RBFOX1: variants seen among roughly 807,000 people sequenced by gnomAD.
The protein encoded by RBFOX1 is RNA binding protein fox-1 homolog 1.
A neutral mutation model predicts 57.7 loss-of-function variants in RBFOX1; 8 were observed. That is an observed-to-expected ratio of 0.14 (90% confidence interval 0.08 to 0.25). RBFOX1 has a LOEUF of 0.25. Among genes scored for constraint, RBFOX1 ranks in the 10% least tolerant of loss-of-function variants. The pLI is 1.00. For synonymous variants in RBFOX1, 326 were observed against 222.4 expected (o/e 1.47, Z -4.15); for missense variants, 611 against 548.5 (o/e 1.11, Z -1.14).
chr16:7,300,001 G>C (rs181175343), intron 4 of RBFOX1, among the ~76,000 whole-genome samples: 2 of 152,344 alleles, frequency 1.3e-5, no homozygotes, highest in East Asian at 1.9e-4. Context: ...TATGCAATAA[G>C]ATTGGAAGGA....
intron 3 of RBFOX1, among the ~76,000 whole-genome samples, chr16:5,756,639 G>C (rs7201928): frequency 0.38 from 57,519 of 152,000 alleles, 11,158 homozygotes; most frequent in East Asian, 0.6. Context: ...CCTGCTGCCT[G>C]CCTTTCCAGC....
intron 4 of RBFOX1, among the ~76,000 whole-genome samples, chr16:5,925,215 T>C (rs886217073): frequency 1.3e-5 from 2 of 152,284 alleles, no homozygotes; most frequent in African/African-American, 2.4e-5. Flanking sequence ...TACAAATGCT[T>C]ATAGCTGTAC....
At chr16:6,553,595 A>T (rs535747201) in intron 2 of RBFOX1, among the ~76,000 whole-genome samples, 3 of 152,322 alleles carry the variant, frequency 2.0e-5, no homozygotes, top group African/African-American at 7.2e-5. Context: ...GCTACTCACA[A>T]GTTGCCATGG....
intron 1 of RBFOX1, among the ~76,000 whole-genome samples, chr16:6,067,853 A>G (rs953356118): frequency 1.3e-5 from 2 of 152,244 alleles, no homozygotes; most frequent in Non-Finnish European, 2.9e-5. Context: ...CTCACAGACT[A>G]AGCTTTCTAG....
intron 3 of RBFOX1, among the ~76,000 whole-genome samples, chr16:6,808,160 A>G (rs62016141): frequency 4.9e-4 from 68 of 140,124 alleles, no homozygotes; most frequent in South Asian, 4.8e-3. Context: ...TACCTTATAT[A>G]TGTGTGTGTG....
intron 4 of RBFOX1, among the ~76,000 whole-genome samples, chr16:7,251,481 G>T (rs775654876): frequency 6.7e-5 from 10 of 148,876 alleles, no homozygotes; most frequent in Non-Finnish European, 1.3e-4. Flanking sequence ...CGCGGTCTTG[G>T]CTCACTGCAA....
chr16:5,495,427 T>C (rs1382735417), intron 2 of RBFOX1, among the ~76,000 whole-genome samples: 7 of 152,140 alleles, frequency 4.6e-5, no homozygotes, highest in Admixed American at 6.5e-5. Context: ...AAGAGGAATA[T>C]CCAGTCCCAT....
intron 3 of RBFOX1, among the ~76,000 whole-genome samples, chr16:6,668,016 C>T (rs17140889): frequency 0.015 from 2,315 of 152,284 alleles, 34 homozygotes; most frequent in African/African-American, 0.049. Flanking sequence ...AGAGAGTATA[C>T]ATCTAGGACA....
At chr16:6,169,913 C>T (rs138696389) in intron 1 of RBFOX1, among the ~76,000 whole-genome samples, 2,015 of 152,232 alleles carry the variant, frequency 0.013, 47 homozygotes, top group African/African-American at 0.046. Flanking sequence ...TACAGGCATG[C>T]GCCACCACAC....
intron 1 of RBFOX1, among the ~76,000 whole-genome samples, chr16:5,320,137 T>A (rs2064362687): frequency 6.6e-6 from 1 of 152,194 alleles, no homozygotes; most frequent in Admixed American, 6.5e-5. Context: ...GCCATAGGTA[T>A]GAACATGTGT....
chr16:6,628,894 G>T (rs1320680234), intron 2 of RBFOX1, among the ~76,000 whole-genome samples: 1 of 152,130 alleles, frequency 6.6e-6, no homozygotes, highest in East Asian at 1.9e-4. Context: ...GCCAGGTGTG[G>T]TGGCATGCGT....
At chr16:7,171,273 A>G (rs906213825) in intron 4 of RBFOX1, among the ~76,000 whole-genome samples, 6 of 152,286 alleles carry the variant, frequency 3.9e-5, no homozygotes, top group Admixed American at 3.9e-4. Context: ...TGAAACCCCA[A>G]TTTCCTCATC....
At chr16:6,832,467 T>G (rs2092776531) in intron 3 of RBFOX1, among the ~76,000 whole-genome samples, 1 of 152,138 alleles carries the variant, frequency 6.6e-6, no homozygotes, top group Non-Finnish European at 1.5e-5. Flanking sequence ...CCAGCAGTGG[T>G]TGACTGAAAT....
At chr16:5,747,196 G>C (rs999619079) in intron 3 of RBFOX1, among the ~76,000 whole-genome samples, 1 of 152,180 alleles carries the variant, frequency 6.6e-6, no homozygotes, top group Non-Finnish European at 1.5e-5. Flanking sequence ...TTATTGATTT[G>C]CATATGTTGA....
At chr16:6,254,748 A>G (rs1234488798) in intron 1 of RBFOX1, among the ~76,000 whole-genome samples, 1 of 152,170 alleles carries the variant, frequency 6.6e-6, no homozygotes, top group East Asian at 1.9e-4. Flanking sequence ...AATTAACATA[A>G]ATTAAAACAA....
At chr16:7,296,104 C>A (rs1019928782) in intron 4 of RBFOX1, among the ~76,000 whole-genome samples, 6 of 137,794 alleles carry the variant, frequency 4.4e-5, no homozygotes, top group Non-Finnish European at 6.3e-5. Flanking sequence ...CTCGGTGGTT[C>A]CCAAATGCCG....
At position 7,109,814 on chromosome 16, in the gene RBFOX1, C is replaced by A. The variant is rs528593301; in HGVS notation, c.27+57716C>A. On this transcript the variant is annotated intron_variant, in intron 4 of 15. Transcript: ENST00000550418. ...CTGAACAAACCTGAATTGACACCTT[C>A]TTGGCACAGCCTTGCACTACGTGAT... Among the ~76,000 whole-genome samples the A allele has an allele frequency of 9.2e-5, 14 of 152,254 alleles. No homozygotes were observed. The South Asian group carries it at 1.9e-3, about 20-fold the overall frequency.
intron 3 of RBFOX1, among the ~76,000 whole-genome samples, chr16:5,628,255 T>C (rs1192642667): frequency 6.6e-6 from 1 of 152,228 alleles, no homozygotes; most frequent in Non-Finnish European, 1.5e-5. Context: ...AATCCAAGAA[T>C]TGAAGTCTCT....
chr16:5,812,273 A>G (rs1028558938), intron 3 of RBFOX1, among the ~76,000 whole-genome samples: 20 of 152,162 alleles, frequency 1.3e-4, no homozygotes, highest in African/African-American at 4.8e-4. Context: ...GCCTTTGGAC[A>G]TGTGCTTTTC....
Sources: allele counts gnomAD v4.1 joint callset (sites outside exome capture counted in the v4.1 genomes callset), GRCh38; gene constraint gnomAD v4.1.1; transcripts MANE v1.5; gene names NCBI Gene and HGNC (gene_info 2026-07-23, HGNC 2026-07-21).